The following APOBEC2 variants were observed in gnomAD, a reference collection of about 807,000 sequenced individuals.
APOBEC2 encodes apolipoprotein B mRNA editing enzyme catalytic subunit 2, also known as C->U-editing enzyme APOBEC-2.
A neutral mutation model predicts 19.4 loss-of-function variants in APOBEC2; 14 were observed. The observed-to-expected ratio is 0.72, with a 90% CI of 0.48 to 1.13. APOBEC2 has a LOEUF of 1.13. APOBEC2 is among the 50% of genes most tolerant of loss of function. APOBEC2 has a pLI of 0.00. For synonymous variants in APOBEC2, 127 were observed against 112.1 expected (o/e 1.13, Z -0.84); for missense variants, 304 against 277.0 (o/e 1.10, Z -0.69).
At chr6:41,058,767 CCTT>C (rs1762835729) in intron 1 of APOBEC2, among the ~76,000 whole-genome samples, 2 of 152,184 alleles carry the variant, frequency 1.3e-5, no homozygotes, top group Non-Finnish European at 2.9e-5. Flanking sequence ...CCTTTTTGCT[CCTT>C]CTAGAAGACC....
chr6:41,061,974 T>G, intron 2 of APOBEC2, 82 bp downstream of exon 2: 1 of 1,287,504 alleles, frequency 7.8e-7, no homozygotes, highest in Non-Finnish European at 1.1e-6. Context: ...GAATCTGTGA[T>G]ATGTCTGATT....
chr6:41,058,650 G>T (rs1762833299), intron 1 of APOBEC2, among the ~76,000 whole-genome samples: 1 of 152,164 alleles, frequency 6.6e-6, no homozygotes, highest in African/African-American at 2.4e-5. Flanking sequence ...TGGCCATGTT[G>T]TCTAGTTCCC....
intron 1 of APOBEC2, among the ~76,000 whole-genome samples, chr6:41,054,431 G>C (rs1239718657): frequency 6.6e-6 from 1 of 152,176 alleles, no homozygotes; most frequent in Non-Finnish European, 1.5e-5. Context: ...AAGAAAGGAG[G>C]CATGATGCTT....
chr6:41,057,433 G>A (rs1388667198), intron 1 of APOBEC2, among the ~76,000 whole-genome samples: 1 of 152,162 alleles, frequency 6.6e-6, no homozygotes, highest in Non-Finnish European at 1.5e-5. Context: ...GCAAGTTCAG[G>A]GTTTCCCTTG....
chr6:41,053,416 C>G lies in APOBEC2; in HGVS notation c.69C>G (p.Asn23Lys), dbSNP rs1357906018. 6.2e-7 allele frequency: 1 copy of G among 1,614,194 alleles called. No individual in the cohort carries two copies. Among genetic ancestry groups the G allele is most frequent in the East Asian group, 2.2e-5 (1 of 44,880 alleles). The change falls in exon 1 of 3, where the codon AAC becomes AAG. Residue 23 changes from asparagine to lysine, a missense_variant. Asn to Lys is a moderately conservative substitution (Grantham distance 94). Coordinates refer to ENST00000244669, the MANE Select transcript of APOBEC2 (RefSeq NM_006789.4). ...CCCAGAATGGGGAGGATCTGGAGAA[C>G]CTGGACGACCCTGAGAAGCTGAAAG... ...AASQNGEDLE[N>K]LDDPEKLKEL...
At chr6:41,060,061 T>C (rs986091936) in intron 1 of APOBEC2, among the ~76,000 whole-genome samples, 2 of 152,220 alleles carry the variant, frequency 1.3e-5, no homozygotes, top group Non-Finnish European at 2.9e-5. Context: ...TTGCCTATTT[T>C]AGAAAAACAC....
intron 1 of APOBEC2, among the ~76,000 whole-genome samples, chr6:41,060,432 A>C (rs1762856475): frequency 6.6e-6 from 1 of 152,172 alleles, no homozygotes; most frequent in Non-Finnish European, 1.5e-5. Context: ...AACCTTCATA[A>C]TACTTCCTTT....
Position 41,061,702 on chromosome 6 carries a change from T to C in APOBEC2, c.506T>C (p.Leu169Pro). 6.2e-7 allele frequency: 1 copy of C among 1,614,232 alleles called. No individual in the cohort carries two copies. Among genetic ancestry groups the C allele is most frequent in the Non-Finnish European group, 8.5e-7 (1 of 1,180,046 alleles). Residue 169 changes from leucine (L) to proline (P), a missense_variant, in exon 2 of 3, where the codon CTG becomes CCG. Leu to Pro is a moderately conservative substitution (Grantham distance 98). Transcript: ENST00000244669. ...EPEIQAALKK[L>P]KEAGCKLRIM... ...GAGATCCAGGCTGCTCTGAAGAAGC[T>C]GAAGGAGGCTGGCTGTAAACTGCGC...
intron 1 of APOBEC2, among the ~76,000 whole-genome samples, chr6:41,053,852 G>A (rs925448854): frequency 4.6e-5 from 7 of 152,300 alleles, no homozygotes; most frequent in Non-Finnish European, 1.0e-4. Flanking sequence ...ATGTGGCTCC[G>A]TTCAAAGCAA....
intron 1 of APOBEC2, among the ~76,000 whole-genome samples, chr6:41,055,462 G>A (rs1200204256): frequency 6.6e-6 from 1 of 152,178 alleles, no homozygotes; most frequent in African/African-American, 2.4e-5. Flanking sequence ...TCTGTGCAGG[G>A]AGAGGGTGAG....
chr6:41,053,234 AT>A lies in APOBEC2; in HGVS notation c.-113del, dbSNP rs1242494386. 1 of 1,415,152 alleles carries A rather than the reference AT, an allele frequency of 7.1e-7. No individual in the cohort carries two copies. The highest frequency in any genetic ancestry group is 1.4e-5 in the African/African-American group (1 of 69,678). The allele number at this position is 1,415,152 out of a possible 1,614,324, so 87.7% of individuals were successfully genotyped here. A position where few individuals can be genotyped will look rare whatever the true frequency, so the allele number is the denominator to read the frequency against. On this transcript the variant is annotated 5_prime_UTR_variant, in exon 1 of 3. Transcript: ENST00000244669. ...TGGCCTGCTGGGTCCTTTTCCCGTC[AT>A]CCCCAGCCAGATTTAGCTGCTGACA... is the stretch of plus-strand genomic sequence containing the variant.
chr6:41,061,481 G>A lies in APOBEC2; in HGVS notation c.285G>A (p.Ala95=), dbSNP rs1479626098. The A allele has an allele frequency of 5.6e-6, 9 of 1,613,748 alleles. No individual in the cohort carries two copies. Among genetic ancestry groups the A allele is most frequent in the African/African-American group, 5.3e-5 (4 of 74,938 alleles). ...ASRGYLEDEH[A]AAHAEEAFFN... ...GGGGATACCTAGAGGATGAGCATGCGGCTGCCCATGCAGAGGAAGCTTTCT... is the reference window on the plus strand; with the variant it reads ...GGGGATACCTAGAGGATGAGCATGCAGCTGCCCATGCAGAGGAAGCTTTCT... Residue 95 remains alanine, a synonymous_variant, in exon 2 of 3, where the codon GCG becomes GCA. Coordinates refer to ENST00000244669, the MANE Select transcript of APOBEC2 (RefSeq NM_006789.4).
chr6:41,058,379 C>T lies in APOBEC2; in HGVS notation c.132-2949C>T, dbSNP rs1762827546. ...CTACCAGCATCTCTCTACTGACCAC[C>T]ACCCACCAACACCACCCCACCACAC... On this transcript the variant is annotated intron_variant, in intron 1 of 2. Transcript: ENST00000244669. Among the ~76,000 whole-genome samples, 4 of 147,410 alleles carry T rather than the reference C, an allele frequency of 2.7e-5. No individual in the cohort carries two copies. In the Admixed American group the frequency reaches 2.7e-4, roughly 10 times the overall value.
chr6:41,061,142 T>C (rs1210245347), intron 1 of APOBEC2, among the ~76,000 whole-genome samples, 186 bp from the exon 2 acceptor site: 2 of 150,308 alleles, frequency 1.3e-5, no homozygotes, highest in Admixed American at 1.3e-4. Context: ...TAAACCCTTC[T>C]GGATTTTTTA....
intron 1 of APOBEC2, among the ~76,000 whole-genome samples, chr6:41,054,695 T>C (rs539820564): frequency 1.2e-4 from 18 of 152,298 alleles, no homozygotes; most frequent in African/African-American, 4.1e-4. Context: ...ATCCTAGGAT[T>C]AAGGGAGCAG....
At chr6:41,053,881 C>G (rs1396736111) in intron 1 of APOBEC2, among the ~76,000 whole-genome samples, 4 of 152,248 alleles carry the variant, frequency 2.6e-5, no homozygotes, top group Non-Finnish European at 5.9e-5. Flanking sequence ...CTCAACTTCT[C>G]TGTTCCTGAG....
chr6:41,061,289 T>C, intron 1 of APOBEC2, 39 bp from the exon 2 acceptor site: 1 of 1,505,828 alleles, frequency 6.6e-7, no homozygotes, highest in Non-Finnish European at 8.9e-7. Flanking sequence ...AACAAGAACT[T>C]ATCATTCTTT....
intron 1 of APOBEC2, among the ~76,000 whole-genome samples, chr6:41,054,416 T>A (rs1762770060): frequency 6.6e-6 from 1 of 152,144 alleles, no homozygotes; most frequent in African/African-American, 2.4e-5. Context: ...AAGAGAAGTT[T>A]CAGGAAGAAA....
chr6:41,054,820 C>G (rs1488325006), intron 1 of APOBEC2, among the ~76,000 whole-genome samples: 1 of 152,178 alleles, frequency 6.6e-6, no homozygotes, highest in Non-Finnish European at 1.5e-5. Flanking sequence ...CCTAAGCATG[C>G]TGGTATACGC....
Sources: gnomAD v4.1 joint callset for allele counts (sites outside exome capture counted in the v4.1 genomes callset) on GRCh38, gnomAD v4.1.1 for gene constraint, MANE v1.5 for transcripts, NCBI Gene and HGNC (gene_info 2026-07-23, HGNC 2026-07-21) for gene names.